Variants in BMPER observed in about 807,000 individuals in gnomAD.
BMPER encodes the protein BMP binding endothelial regulator.
Under a neutral mutation model 87.3 loss-of-function variants are expected in BMPER, and 45 were observed. That is an observed-to-expected ratio of 0.52 (90% confidence interval 0.41 to 0.66). The LOEUF (loss-of-function observed/expected upper bound fraction) is 0.66, where lower values mean the gene tolerates loss of function less well. Ranked by LOEUF, BMPER falls within the 30% of genes least tolerant of loss-of-function variation. BMPER has a pLI of 0.00. For missense variants in BMPER, 784 were observed against 867.5 expected (o/e 0.90, Z 1.21); for synonymous variants, 326 against 316.2 (o/e 1.03, Z -0.33).
At chr7:34,109,156 A>G (rs1310459402) in intron 13 of BMPER, among the ~76,000 whole-genome samples, 2 of 152,034 alleles carry the variant, frequency 1.3e-5, no homozygotes, top group African/African-American at 4.8e-5. Flanking sequence ...ACCCAGGAAA[A>G]CTGATGTCAT....
At chr7:34,151,186 G>A (rs186940634) in intron 14 of BMPER, among the ~76,000 whole-genome samples, 11 of 152,310 alleles carry the variant, frequency 7.2e-5, no homozygotes, top group Admixed American at 3.3e-4. Context: ...AGGGGGTAGA[G>A]GACAGATCCT....
intron 6 of BMPER, among the ~76,000 whole-genome samples, chr7:33,980,712 G>A (rs971675072): frequency 6.6e-6 from 1 of 152,164 alleles, no homozygotes; most frequent in African/African-American, 2.4e-5. Flanking sequence ...CAAGTCCTCT[G>A]TCTGTAAAAC....
rs184290157 is a variant in BMPER, at chr7:34,142,206, G to A, written c.1746-1024G>A. On this transcript the variant is annotated intron_variant, in intron 13 of 14. Coordinates refer to ENST00000649409, the MANE Select transcript of BMPER (RefSeq NM_001365308.1). ...GAAACTGTTAGGCAGTAAATTTGCT[G>A]AAAGAAGAAGATGAGATTGTTGTGT... Among the ~76,000 whole-genome samples, 132 of 152,294 alleles carry A rather than the reference G, an allele frequency of 8.7e-4. 2 individuals carry two copies. Among genetic ancestry groups the A allele is most frequent in the African/African-American group, 2.9e-3 (119 of 41,560 alleles).
At chr7:33,968,866 A>G (rs892379532) in intron 4 of BMPER, among the ~76,000 whole-genome samples, 10 of 152,242 alleles carry the variant, frequency 6.6e-5, no homozygotes, top group African/African-American at 9.6e-5. Context: ...GATCATGGAC[A>G]GGAAATTCAT....
intron 4 of BMPER, among the ~76,000 whole-genome samples, chr7:33,967,851 A>T (rs1785441781): frequency 2.0e-5 from 3 of 152,220 alleles, no homozygotes; most frequent in Admixed American, 6.5e-5. Flanking sequence ...AGTCTAGCAT[A>T]GTATTCCTAT....
intron 7 of BMPER, among the ~76,000 whole-genome samples, chr7:34,050,403 C>G (rs907930742): frequency 6.6e-6 from 1 of 152,048 alleles, no homozygotes; most frequent in Non-Finnish European, 1.5e-5. Flanking sequence ...TGAGGGCCAA[C>G]AAGTTTGCTC....
chr7:34,138,003 G>A (rs927413405), intron 13 of BMPER, among the ~76,000 whole-genome samples: 43 of 152,146 alleles, frequency 2.8e-4, no homozygotes, highest in African/African-American at 9.7e-4. Context: ...CCATCTAATA[G>A]CACTCTCTTC....
At chr7:33,976,660 C>T (rs1562664196) in intron 6 of BMPER, among the ~76,000 whole-genome samples, 1 of 151,956 alleles carries the variant, frequency 6.6e-6, no homozygotes, top group Admixed American at 6.6e-5. Context: ...GAATGAATTG[C>T]CTTTCCAGGT....
chr7:33,960,769 C>A (rs1291791470), intron 3 of BMPER, among the ~76,000 whole-genome samples: 2 of 152,170 alleles, frequency 1.3e-5, no homozygotes, highest in Non-Finnish European at 2.9e-5. Context: ...AACAGGAGAT[C>A]CAGTGAATGT....
At chr7:33,943,308 C>T (rs1203542707) in intron 3 of BMPER, among the ~76,000 whole-genome samples, 3 of 151,970 alleles carry the variant, frequency 2.0e-5, no homozygotes, top group Non-Finnish European at 4.4e-5. Flanking sequence ...TTGCTTTGGC[C>T]AAACTGCCCC....
chr7:33,942,834 A>G (rs1319697664), intron 3 of BMPER, among the ~76,000 whole-genome samples: 1 of 152,162 alleles, frequency 6.6e-6, no homozygotes. Context: ...AAAAAGAAAT[A>G]AAGGAAAACA....
At chr7:34,065,245 T>TCTCTCTCC (rs1562720574) in intron 11 of BMPER, among the ~76,000 whole-genome samples, 17 of 147,342 alleles carry the variant, frequency 1.2e-4, no homozygotes, top group Middle Eastern at 3.5e-3. Context: ...TCTCTCTCTC[T>TCTCTCTCC]CTCCCTCTCT....
At chr7:34,082,253 A>G (rs889532105) in intron 12 of BMPER, among the ~76,000 whole-genome samples, 4 of 151,850 alleles carry the variant, frequency 2.6e-5, no homozygotes, top group Admixed American at 6.6e-5. Context: ...AAACCCTTCC[A>G]TGATGTTTTC....
chr7:34,032,692 T>C (rs1787560443), intron 6 of BMPER, among the ~76,000 whole-genome samples: 1 of 152,212 alleles, frequency 6.6e-6, no homozygotes, highest in African/African-American at 2.4e-5. Context: ...CAAACACTGC[T>C]CCTTTCATTC....
Position 34,034,153 on chromosome 7 carries a change from C to T in BMPER, c.577-12153C>T, listed in dbSNP as rs556170061. ...TTCTGGCGTCTCAGCATGTTCTGGCCAAGATTACAAGACAATGCTTCTGAA... is the reference window on the plus strand; with the variant it reads ...TTCTGGCGTCTCAGCATGTTCTGGCTAAGATTACAAGACAATGCTTCTGAA... On this transcript the variant is annotated intron_variant, in intron 6 of 14. Transcript: ENST00000649409. Among the ~76,000 whole-genome samples the T allele has an allele frequency of 3.3e-5, 5 of 152,202 alleles. No individual in the cohort carries two copies. In the South Asian group the frequency reaches 1.0e-3, roughly 32 times the overall value.
chr7:33,989,695 C>T (rs1786144076), intron 6 of BMPER, among the ~76,000 whole-genome samples: 1 of 152,180 alleles, frequency 6.6e-6, no homozygotes, highest in African/African-American at 2.4e-5. Flanking sequence ...TTGCCCATGC[C>T]TGTGTCCTGA....
At position 34,047,557 on chromosome 7, in the gene BMPER, G is replaced by A. The variant is rs1788008623; in HGVS notation, c.676+1152G>A. Among the ~76,000 whole-genome samples the A allele has an allele frequency of 2.0e-5, 3 of 152,112 alleles. 1 individual carries two copies. Among genetic ancestry groups the A allele is most frequent in the South Asian group, 4.2e-4 (2 of 4,806 alleles). ...CTCCCAAAGTGCTGGGATTACAGGC[G>A]TGAGCCACCATGCCCAGCCTATGAT... On this transcript the variant is annotated intron_variant, in intron 7 of 14. Coordinates refer to ENST00000649409, the MANE Select transcript of BMPER (RefSeq NM_001365308.1).
chr7:34,101,542 G>A (rs887731858), intron 13 of BMPER, among the ~76,000 whole-genome samples: 1 of 152,222 alleles, frequency 6.6e-6, no homozygotes, highest in African/African-American at 2.4e-5. Flanking sequence ...GAGTTGTAAG[G>A]TCACTTGTGT....
intron 10 of BMPER, among the ~76,000 whole-genome samples, chr7:34,061,051 A>G (rs1258040018): frequency 6.6e-6 from 1 of 152,184 alleles, no homozygotes; most frequent in Non-Finnish European, 1.5e-5. Context: ...CTCAGCTCAT[A>G]AGGTTCTTGT....
Sources: allele counts gnomAD v4.1 joint callset (sites outside exome capture counted in the v4.1 genomes callset), GRCh38; gene constraint gnomAD v4.1.1; transcripts MANE v1.5; gene names NCBI Gene and HGNC (gene_info 2026-07-23, HGNC 2026-07-21).